Variants in ZDHHC18 observed in about 807,000 individuals in gnomAD.
The protein encoded by ZDHHC18 is zDHHC palmitoyltransferase 18, also known as palmitoyltransferase ZDHHC18.
ZDHHC18 carries 23 observed loss-of-function variants against 37.5 expected under a neutral mutation model. The observed-to-expected ratio is 0.61, with a 90% CI of 0.44 to 0.87. The LOEUF (loss-of-function observed/expected upper bound fraction) is 0.87, where lower values mean the gene tolerates loss of function less well. ZDHHC18 is among the 40% of genes least tolerant of loss of function. The pLI is 0.00. For missense variants in ZDHHC18, 406 were observed against 525.6 expected (o/e 0.77, Z 2.22); for synonymous variants, 185 against 218.7 (o/e 0.85, Z 1.36).
chr1:26,839,411 G>T (rs1356652895), intron 2 of ZDHHC18, among the ~76,000 whole-genome samples: 2 of 152,154 alleles, frequency 1.3e-5, no homozygotes, highest in Non-Finnish European at 2.9e-5. Flanking sequence ...TGTCAGGCAG[G>T]CACAGGGTGA....
Position 26,848,757 on chromosome 1 carries a change from G to T in ZDHHC18, c.646G>T (p.Glu216Ter). 6.2e-7 allele frequency: 1 copy of T among 1,608,644 alleles called. No individual in the cohort carries two copies. The highest frequency in any genetic ancestry group is 8.5e-7 in the Non-Finnish European group (1 of 1,175,348). Residue 216 changes from glutamate to a stop codon, truncating the protein, a stop_gained and splice_region_variant, in exon 3 of 8, where the codon GAA becomes TAA. Transcript: ENST00000374142. LOFTEE classifies it high-confidence loss of function. ...CTGCAGTGTCTGCGACAACTGTGTG[G>T]GTGAGTAGGAGGCAGCAGGGAGGGA... ...SHCSVCDNCV[E>*]RFDHHCPWVG... is the part of the protein sequence containing the mutation.
chr1:26,851,369 C>G, intron 6 of ZDHHC18, 138 bp downstream of exon 6: 2 of 768,626 alleles, frequency 2.6e-6, no homozygotes, highest in Non-Finnish European at 2.2e-6. Flanking sequence ...CCAGATGCCT[C>G]CCAGTCATCT....
chr1:26,840,358 A>G (rs2081631653), intron 2 of ZDHHC18, among the ~76,000 whole-genome samples: 1 of 152,242 alleles, frequency 6.6e-6, no homozygotes, highest in African/African-American at 2.4e-5. Context: ...GCCCTTGTCA[A>G]GCGTTAGCCA....
chr1:26,831,579 G>A (rs1462022378), intron 1 of ZDHHC18, among the ~76,000 whole-genome samples: 4 of 152,196 alleles, frequency 2.6e-5, no homozygotes, highest in Non-Finnish European at 5.9e-5. Flanking sequence ...CTATCATGAA[G>A]CCATTCTCCC....
Position 26,850,101 on chromosome 1 carries a change from G to A in ZDHHC18, c.647-200G>A, listed in dbSNP as rs556430367. The stretch of plus-strand genomic sequence containing the variant: ...CGAAGGAGAAGTTCCAGTTAACCAG[G>A]TAAAGAGACGAGAGAATGTATCAGG... On this transcript the variant is annotated intron_variant, in intron 3 of 7. Transcript: ENST00000374142. This position sits in a 1 kb window ranked among gnomAD's most constrained non-coding sequence, Gnocchi z 6.1. 1.3e-5 allele frequency among the ~76,000 whole-genome samples: 2 copies of A among 152,356 alleles called. No individual in the cohort carries two copies. Among genetic ancestry groups the A allele is most frequent in the African/African-American group, 4.8e-5 (2 of 41,588 alleles).
At chr1:26,843,294 C>A (rs1028519618) in intron 2 of ZDHHC18, among the ~76,000 whole-genome samples, 2 of 151,260 alleles carry the variant, frequency 1.3e-5, no homozygotes, top group African/African-American at 4.9e-5. Flanking sequence ...AGGCACGCAC[C>A]ACCACACCCG....
intron 2 of ZDHHC18, among the ~76,000 whole-genome samples, chr1:26,845,011 C>G (rs557370256): frequency 6.6e-6 from 1 of 151,532 alleles, no homozygotes; most frequent in Non-Finnish European, 1.5e-5. Context: ...ATCTCCGCCT[C>G]CTGAGTTCAA....
chr1:26,831,508 G>A (rs528882743), intron 1 of ZDHHC18, among the ~76,000 whole-genome samples: 2 of 152,292 alleles, frequency 1.3e-5, no homozygotes, highest in East Asian at 3.9e-4. Context: ...CTGGCTTCTG[G>A]GTGGACAGTG....
rs752763447 is a variant in ZDHHC18 at position 26,856,253 on chromosome 1, G to A, written c.*2410G>A. The A allele has an allele frequency of 4.5e-6, 2 of 447,260 alleles. No homozygotes were observed. The highest frequency in any genetic ancestry group is 9.1e-6 in the Non-Finnish European group (2 of 219,612). The allele number at this position is 447,260 out of a possible 1,614,324, so 27.7% of individuals were successfully genotyped here. On this transcript the variant is annotated 3_prime_UTR_variant, in exon 8 of 8. Coordinates refer to ENST00000374142, the MANE Select transcript of ZDHHC18 (RefSeq NM_032283.3). The surrounding 1 kb of genome is among the most constrained non-coding windows in gnomAD (Gnocchi z 5.2). Reference sequence around the variant, plus strand: ...GGGAGCTAACAGGCCTCTTTGCAGAGGGTTAGCTGGTAAGACCGTTTCTTC... The same window carrying A: ...GGGAGCTAACAGGCCTCTTTGCAGAAGGTTAGCTGGTAAGACCGTTTCTTC...
Position 26,826,751 on chromosome 1 carries a change from C to A in ZDHHC18, c.-54C>A, listed in dbSNP as rs2081558371. ...CCACCTCCGCTGCTCGGCCCGGTCCCGGAGTGGCCCGGCCGGCCCGCGGGG... is the reference window on the plus strand; with the variant it reads ...CCACCTCCGCTGCTCGGCCCGGTCCAGGAGTGGCCCGGCCGGCCCGCGGGG... On this transcript the variant is annotated 5_prime_UTR_variant, in exon 1 of 8. Transcript: ENST00000374142. The surrounding 1 kb of genome is among the most constrained non-coding windows in gnomAD (Gnocchi z 5.2). The A allele has an allele frequency of 1.1e-6, 1 of 901,866 alleles. No homozygotes were observed. Among genetic ancestry groups the A allele is most frequent in the Non-Finnish European group, 1.3e-6 (1 of 755,928 alleles). 55.9% of individuals were successfully genotyped at this position (901,866 alleles called of 1,614,324 possible).
At chr1:26,845,507 A>AT (rs1307458150) in intron 2 of ZDHHC18, among the ~76,000 whole-genome samples, 1 of 148,506 alleles carries the variant, frequency 6.7e-6, no homozygotes. Flanking sequence ...TAATTTTTGT[A>AT]TTTTTAGTAA....
chr1:26,853,763 G>A lies in ZDHHC18; in HGVS notation c.1087G>A (p.Val363Met), dbSNP rs142401253. 74 of 1,614,072 alleles carry A rather than the reference G, an allele frequency of 4.6e-5. No individual in the cohort carries two copies. The highest frequency in any genetic ancestry group is 1.9e-4 in the African/African-American group (14 of 75,024). ...DRRGFVQSDT[V>M]LPSPIRSDEP... ...GAGGGGATTTGTGCAGTCCGACACC[G>A]TGTTGCCCTCACCCATCAGAAGCGA... The change falls in exon 8 of 8, where the codon GTG becomes ATG. Residue 363 changes from valine (V) to methionine (M), a missense_variant. By Grantham distance (21) the Val-to-Met change is conservative (BLOSUM62 1). Transcript: ENST00000374142.
At chr1:26,827,172 C>T in intron 1 of ZDHHC18, 33 bp downstream of exon 1, 2 of 1,326,824 alleles carry the variant, frequency 1.5e-6, no homozygotes, top group Non-Finnish European at 1.9e-6. Context: ...CCCCTCCCAG[C>T]CCCCTGCCGC....
Position 26,855,372 on chromosome 1 carries a change from T to C in ZDHHC18, c.*1529T>C, listed in dbSNP as rs2081728693. Reference sequence around the variant, plus strand: ...TCTGGGCCGGAAACTCAGAGGATGTTTCTCCTCTGCTGGGAGCTGTAGTTT... The same window carrying C: ...TCTGGGCCGGAAACTCAGAGGATGTCTCTCCTCTGCTGGGAGCTGTAGTTT... On this transcript the variant is annotated 3_prime_UTR_variant, in exon 8 of 8. Coordinates refer to ENST00000374142, the MANE Select transcript of ZDHHC18 (RefSeq NM_032283.3). 6.5e-6 allele frequency: 1 copy of C among 152,726 alleles called. No homozygotes were observed. Among genetic ancestry groups the C allele is most frequent in the African/African-American group, 2.4e-5 (1 of 41,584 alleles). The allele number at this position is 152,726 out of a possible 1,614,324, so 9.5% of individuals were successfully genotyped here. A position where few individuals can be genotyped will look rare whatever the true frequency, so the allele number is the denominator to read the frequency against.
At chr1:26,849,261 C>T (rs912409877) in intron 3 of ZDHHC18, among the ~76,000 whole-genome samples, 1 of 152,218 alleles carries the variant, frequency 6.6e-6, no homozygotes, top group Non-Finnish European at 1.5e-5. Flanking sequence ...GAAATGGCTC[C>T]TGACCCTACA....
chr1:26,854,576 C>T lies in ZDHHC18; in HGVS notation c.*733C>T, dbSNP rs41307935. The T allele has an allele frequency of 0.06, 9,220 of 152,656 alleles. 328 individuals are homozygous for T. The highest frequency in any genetic ancestry group is 0.079 in the Non-Finnish European group (5,384 of 68,034). The allele number at this position is 152,656 out of a possible 1,614,324, so 9.5% of individuals were successfully genotyped here. A position where few individuals can be genotyped will look rare whatever the true frequency, so the allele number is the denominator to read the frequency against. The stretch of plus-strand genomic sequence containing the variant: ...CCCATGGAGAGCTCTTTAAGGGATC[C>T]CAGCCTGCCCCTCCACTTCTCTCCC... On this transcript the variant is annotated 3_prime_UTR_variant, in exon 8 of 8. Coordinates refer to ENST00000374142, the MANE Select transcript of ZDHHC18 (RefSeq NM_032283.3). This position sits in a 1 kb window ranked among gnomAD's most constrained non-coding sequence, Gnocchi z 4.6.
intron 2 of ZDHHC18, among the ~76,000 whole-genome samples, chr1:26,837,221 C>G (rs931768456): frequency 2.1e-5 from 3 of 145,996 alleles, no homozygotes; most frequent in African/African-American, 5.0e-5. Flanking sequence ...CCACTGCACT[C>G]CAGCCTGGGC....
At chr1:26,839,856 A>G (rs956184387) in intron 2 of ZDHHC18, among the ~76,000 whole-genome samples, 4 of 152,216 alleles carry the variant, frequency 2.6e-5, no homozygotes, top group African/African-American at 9.6e-5. Context: ...GTGATGGGTC[A>G]GCACTGTCCG....
Position 26,852,789 on chromosome 1 carries a change from G to A in ZDHHC18, c.973G>A (p.Ala325Thr), listed in dbSNP as rs757437270. 2.0e-5 allele frequency: 33 copies of A among 1,613,942 alleles called. No homozygotes were observed. In the Middle Eastern group the frequency reaches 4.9e-4, roughly 24 times the overall value. Residue 325 changes from alanine (A) to threonine (T), a missense_variant, in exon 7 of 8, where the codon GCC becomes ACC. Coordinates refer to ENST00000374142, the MANE Select transcript of ZDHHC18 (RefSeq NM_032283.3). ...GTGGTCCAGCAAGAGGGGCGGTGAG[G>A]CCTCTGTCAACCCCTACAGCCATAA... The part of the protein sequence containing the change: ...GSWSSKRGGE[A>T]SVNPYSHKSI...
Sources: gnomAD v4.1 joint callset for allele counts (sites outside exome capture counted in the v4.1 genomes callset) on GRCh38, gnomAD v4.1.1 for gene constraint, Gnocchi (gnomAD v3.1) non-coding constraint, MANE v1.5 for transcripts, NCBI Gene and HGNC (gene_info 2026-07-23, HGNC 2026-07-21) for gene names.